Variants in TMPRSS6 observed in about 807,000 individuals in gnomAD.
TMPRSS6 encodes the protein transmembrane protease serine 6.
TMPRSS6 carries 67 observed loss-of-function variants against 101.5 expected under a neutral mutation model. The ratio of observed to expected loss-of-function variants is 0.66; its 90% CI spans 0.54 to 0.81. The LOEUF (loss-of-function observed/expected upper bound fraction) is 0.81, where lower values mean the gene tolerates loss of function less well. Among genes scored for constraint, TMPRSS6 ranks in the 30% least tolerant of loss-of-function variants. The probability of loss-of-function intolerance (pLI) is 0.00; values close to 1 mark genes in which losing one functional copy is unlikely to be tolerated. For synonymous variants in TMPRSS6, 453 were observed against 464.9 expected (o/e 0.97, Z 0.33); for missense variants, 1,034 against 1,088.7 (o/e 0.95, Z 0.71).
intron 7 of TMPRSS6, among the ~76,000 whole-genome samples, chr22:37,087,092 T>C (rs1254827513): frequency 6.6e-6 from 1 of 152,168 alleles, no homozygotes; most frequent in Non-Finnish European, 1.5e-5. Flanking sequence ...CTAGGCACTG[T>C]CTGTGATGGC....
Position 37,065,993 on chromosome 22 carries a change from CGCCAGAATACTTGT to C in TMPRSS6, c.*73_*86del. The C allele has an allele frequency of 6.3e-7, 1 of 1,580,564 alleles. No homozygotes were observed. The highest frequency in any genetic ancestry group is 1.7e-5 in the Admixed American group (1 of 59,772). The stretch of plus-strand genomic sequence containing the variant: ...AGGGCCTGCTCTCTCCCCCACCCCC[CGCCAGAATACTTGT>C]CCCCCTGCTTGGCAGTTGCCCTGGG... On this transcript the variant is annotated 3_prime_UTR_variant, in exon 18 of 18. Transcript: ENST00000676104.
intron 2 of TMPRSS6, among the ~76,000 whole-genome samples, chr22:37,099,060 C>T (rs1241862668): frequency 6.6e-6 from 1 of 152,264 alleles, no homozygotes; most frequent in African/African-American, 2.4e-5. Flanking sequence ...GGCAACCACA[C>T]AGCATGTGGC....
Position 37,073,395 on chromosome 22 carries a change from A to ATGGATGG in TMPRSS6, c.1555+136_1555+137insCCATCCA, listed in dbSNP as rs1569000564. On this transcript the variant is annotated intron_variant, in intron 13 of 17. Coordinates refer to ENST00000676104, the MANE Select transcript of TMPRSS6 (RefSeq NM_001374504.1). The stretch of plus-strand genomic sequence containing the variant: ...GGATGGATGGATGGATGGATGGATG[A>ATGGATGG]ATGGACAGACATACAGATGTAAATA... The ATGGATGG allele has an allele frequency of 6.7e-6, 4 of 600,368 alleles. No homozygotes were observed. The Admixed American group carries it at 7.8e-5, about 12-fold the overall frequency. The allele number at this position is 600,368 out of a possible 1,614,324, so 37.2% of individuals were successfully genotyped here.
chr22:37,084,531 A>T, intron 9 of TMPRSS6, 127 bp from the exon 10 acceptor site: 2 of 839,222 alleles, frequency 2.4e-6, no homozygotes, highest in Non-Finnish European at 4.0e-6. Context: ...CAGTCACTCA[A>T]CAAACAGGCA....
At position 37,084,800 on chromosome 22, in the gene TMPRSS6, G is replaced by T; in HGVS notation, c.1013C>A (p.Ser338Tyr). 6.4e-7 allele frequency: 1 copy of T among 1,562,286 alleles called. No homozygotes were observed. The highest frequency in any genetic ancestry group is 1.4e-5 in the African/African-American group (1 of 73,940). ...GTACGGGGTGCTGAGGACGCCCTGG[G>T]AGTCGAGCCTGTTGTCCAGCGTCAG... ...VNLTLDNRLDSQGVLSTPYFP... is the reference protein window; with the variant it reads ...VNLTLDNRLDYQGVLSTPYFP... Residue 338 changes from serine to tyrosine, a missense_variant, in exon 9 of 18, where the codon TCC becomes TAC. Transcript: ENST00000676104.
chr22:37,074,577 G>A (rs1361809992), intron 12 of TMPRSS6, 33 bp downstream of exon 12: 6 of 1,595,752 alleles, frequency 3.8e-6, no homozygotes, highest in Non-Finnish European at 5.2e-6. Context: ...GGGATGGGCA[G>A]GGAGAGGAGG....
chr22:37,100,529 G>A (rs1601573199), intron 2 of TMPRSS6, among the ~76,000 whole-genome samples: 1 of 152,218 alleles, frequency 6.6e-6, no homozygotes, highest in South Asian at 2.1e-4. Flanking sequence ...GCAAAGTGGG[G>A]CTGGGTGGAA....
rs762436761 is a variant in TMPRSS6 at position 37,086,353 on chromosome 22, G to C, written c.903C>G (p.Val301=). The change falls in exon 8 of 18, where the codon GTC becomes GTG. Residue 301 remains valine, a synonymous_variant. Coordinates refer to ENST00000676104, the MANE Select transcript of TMPRSS6 (RefSeq NM_001374504.1). ...EVLASGAIMA[V]VWKKGLHSYY... ...AGCTGTGCAGGCCCTTCTTCCAGAC[G>C]ACCGCCATGATGGCCCCCGACGCCA... 9 of 1,612,534 alleles carry C rather than the reference G, an allele frequency of 5.6e-6. No individual in the cohort carries two copies. Among genetic ancestry groups the C allele is most frequent in the Non-Finnish European group, 7.6e-6 (9 of 1,179,424 alleles).
At chr22:37,072,026 G>A (rs970078828) in intron 13 of TMPRSS6, among the ~76,000 whole-genome samples, 1 of 149,906 alleles carries the variant, frequency 6.7e-6, no homozygotes, top group Non-Finnish European at 1.5e-5. Flanking sequence ...GATGGCTGAC[G>A]GATGAATGGA....
intron 9 of TMPRSS6, 117 bp downstream of exon 9, chr22:37,084,610 C>A: frequency 2.1e-6 from 2 of 963,060 alleles, no homozygotes; most frequent in Non-Finnish European, 3.2e-6. Flanking sequence ...GTACCCAGGG[C>A]TCAGCCTGTG....
At position 37,075,284 on chromosome 22, in the gene TMPRSS6, G is replaced by A; in HGVS notation, c.1197-4C>T. On this transcript the variant is annotated splice_region_variant and splice_polypyrimidine_tract_variant and intron_variant, in intron 10 of 17. Transcript: ENST00000676104. The stretch of plus-strand genomic sequence containing the variant: ...CAGGATGCGCAAGCCACACAGCCTG[G>A]GGGGAGTCAGAGACGACTCAGGGCT... The A allele has an allele frequency of 1.9e-6, 3 of 1,613,348 alleles. No homozygotes were observed. The highest frequency in any genetic ancestry group is 1.7e-4 in the Middle Eastern group (1 of 6,040).
intron 8 of TMPRSS6, 38 bp downstream of exon 8, chr22:37,086,245 C>G: frequency 3.7e-6 from 6 of 1,613,932 alleles, no homozygotes; most frequent in Non-Finnish European, 5.1e-6. Context: ...GATTCTACCA[C>G]CACCCCTCCC....
At chr22:37,086,770 G>T (rs543806814) in intron 7 of TMPRSS6, among the ~76,000 whole-genome samples, 8 of 152,124 alleles carry the variant, frequency 5.3e-5, no homozygotes, top group East Asian at 1.9e-4. Flanking sequence ...GACCCCTAGC[G>T]TCCCTGGCAG....
chr22:37,078,303 G>A (rs1346417192), intron 10 of TMPRSS6, among the ~76,000 whole-genome samples: 1 of 152,174 alleles, frequency 6.6e-6, no homozygotes, highest in African/African-American at 2.4e-5. Flanking sequence ...CCCAAGCCTT[G>A]GGCAGGGGCT....
intron 6 of TMPRSS6, among the ~76,000 whole-genome samples, chr22:37,091,416 A>G (rs1039761270): frequency 2.0e-5 from 3 of 152,200 alleles, no homozygotes; most frequent in African/African-American, 7.2e-5. Context: ...CCCCCAGGCT[A>G]GTGCCATCTG....
In TMPRSS6 at chr22:37,069,077, C is replaced by T; in HGVS notation, c.2109G>A (p.Glu703=). ...CWITGWGALR[E]GGPISNALQK... is the part of the protein sequence containing the mutation. ...CCGCAAGTCCCCGCTGCTCACCGCC[C>T]TCGCGCAAGGCGCCCCAGCCCGTAA... The change falls in exon 16 of 18, where the codon GAG becomes GAA. Residue 703 remains glutamate (E), a synonymous_variant. Transcript: ENST00000676104. This position sits in a 1 kb window ranked among gnomAD's most constrained non-coding sequence, Gnocchi z 4.8. The T allele has an allele frequency of 6.5e-7, 1 of 1,542,100 alleles. No individual in the cohort carries two copies. Among genetic ancestry groups the T allele is most frequent in the East Asian group, 2.4e-5 (1 of 41,122 alleles).
Position 37,069,090 on chromosome 22 carries a change from C to A in TMPRSS6, c.2096G>T (p.Gly699Val), listed in dbSNP as rs745629128. 10 of 1,546,474 alleles carry A rather than the reference C, an allele frequency of 6.5e-6. No individual in the cohort carries two copies. Among genetic ancestry groups the A allele is most frequent in the Middle Eastern group, 1.9e-4 (1 of 5,244 alleles). The change falls in exon 16 of 18, where the codon GGC becomes GTC. Residue 699 changes from glycine to valine, a missense_variant. By Grantham distance (109) the Gly-to-Val change is moderately radical (BLOSUM62 -3). Coordinates refer to ENST00000676104, the MANE Select transcript of TMPRSS6 (RefSeq NM_001374504.1). The surrounding 1 kb of genome is among the most constrained non-coding windows in gnomAD (Gnocchi z 4.8). ...CTGCTCACCGCCCTCGCGCAAGGCG[C>A]CCCAGCCCGTAATCCAGCAGTGCAG... ...PGLHCWITGW[G>V]ALREGGPISN...
At chr22:37,076,640 G>A (rs1342314695) in intron 10 of TMPRSS6, among the ~76,000 whole-genome samples, 3 of 152,170 alleles carry the variant, frequency 2.0e-5, no homozygotes, top group African/African-American at 4.8e-5. Flanking sequence ...TCACAGAGTG[G>A]GTGCAGCCAC....
At chr22:37,089,551 CT>C in intron 7 of TMPRSS6, 26 bp downstream of exon 7, 11 of 1,415,254 alleles carry the variant, frequency 7.8e-6, no homozygotes, top group African/African-American at 1.5e-5. Flanking sequence ...CCAGCCCTCC[CT>C]CCTGCCCTCC....
Sources: allele counts gnomAD v4.1 joint callset (sites outside exome capture counted in the v4.1 genomes callset), GRCh38; gene constraint gnomAD v4.1.1; non-coding constraint Gnocchi (gnomAD v3.1); transcripts MANE v1.5; gene names NCBI Gene and HGNC (gene_info 2026-07-23, HGNC 2026-07-21).